NEBL: variants seen among roughly 807,000 people sequenced by gnomAD.
NEBL encodes the protein LIM and SH3 protein 2.
In NEBL, 122 loss-of-function variants were observed where a neutral mutation model predicts 140.2. The observed-to-expected ratio is 0.87, with a 90% CI of 0.75 to 1.01. NEBL has a LOEUF of 1.01. Ranked by LOEUF, NEBL falls within the 50% of genes least tolerant of loss-of-function variation. The pLI is 0.00. For missense variants in NEBL, 1,365 were observed against 1,231.3 expected, an observed-to-expected ratio of 1.11 and a Z score of -1.62; for synonymous variants, 436 against 398.9, an observed-to-expected ratio of 1.09 and a Z score of -1.11.
chr10:20,842,687 A>T lies in NEBL; in HGVS notation c.1228-1838T>A, dbSNP rs111931977. Among the ~76,000 whole-genome samples, 750 of 152,194 alleles carry T rather than the reference A, an allele frequency of 4.9e-3. 10 individuals carry two copies. The highest frequency in any genetic ancestry group is 0.017 in the African/African-American group (717 of 41,542). On this transcript the variant is annotated intron_variant, in intron 12 of 27. Transcript: ENST00000377122. Reference sequence around the variant, plus strand: ...AATACAATGTGGAATAATTAAATCAATCTAAATAATATATCCATTACCTCA... The same window carrying T: ...AATACAATGTGGAATAATTAAATCATTCTAAATAATATATCCATTACCTCA...
In NEBL at chr10:21,004,285, T is replaced by TA. The variant is rs897874752; in HGVS notation, c.249+15831dup. Among the ~76,000 whole-genome samples, 7 of 151,862 alleles carry TA rather than the reference T, an allele frequency of 4.6e-5. No individual in the cohort carries two copies. In the South Asian group the frequency reaches 1.0e-3, roughly 23 times the overall value. ...TCGTTATGAATAAATGCATCATTAA[T>TA]AAAAAAATAAAAATTCAAAGCCATT... On this transcript the variant is annotated intron_variant, in intron 3 of 6. Coordinates refer to the NEBL transcript ENST00000417816.
chr10:21,024,040 T>A (rs1272646257), intron 2 of NEBL, among the ~76,000 whole-genome samples: 1 of 151,382 alleles, frequency 6.6e-6, no homozygotes, highest in African/African-American at 2.4e-5. Context: ...AGCATCAAAG[T>A]TCTATTTGGA....
intron 3 of NEBL, among the ~76,000 whole-genome samples, chr10:21,208,231 T>C (rs993960746): frequency 1.3e-5 from 2 of 152,222 alleles, no homozygotes; most frequent in African/African-American, 2.4e-5. Context: ...CTTTGATGAC[T>C]CAGCTCATGG....
intron 3 of NEBL, among the ~76,000 whole-genome samples, chr10:21,198,771 T>A (rs998775233): frequency 6.6e-6 from 1 of 152,040 alleles, no homozygotes; most frequent in African/African-American, 2.4e-5. Context: ...GCTCTTCTTC[T>A]GCCCAGAGCC....
At chr10:20,847,038 G>C (rs922479439) in intron 11 of NEBL, among the ~76,000 whole-genome samples, 2 of 151,968 alleles carry the variant, frequency 1.3e-5, no homozygotes, top group Non-Finnish European at 2.9e-5. Flanking sequence ...GCTTTTCTTG[G>C]GATCATAAAT....
intron 4 of NEBL, among the ~76,000 whole-genome samples, chr10:20,934,615 T>C (rs1428492840): frequency 6.6e-6 from 1 of 152,092 alleles, no homozygotes; most frequent in African/African-American, 2.4e-5. Context: ...GAGAATGCCA[T>C]GGCCCCACTG....
At chr10:21,043,009 A>G (rs1200149540) in intron 2 of NEBL, among the ~76,000 whole-genome samples, 1 of 152,232 alleles carries the variant, frequency 6.6e-6, no homozygotes. Flanking sequence ...GAGAAGGTGG[A>G]AAAGTCTGCT....
intron 2 of NEBL, among the ~76,000 whole-genome samples, chr10:21,071,807 G>A (rs980357458): frequency 1.1e-4 from 3 of 27,408 alleles, no homozygotes; most frequent in African/African-American, 8.6e-4. Context: ...ATAGTGTTGG[G>A]CTTTTTGTTT....
chr10:21,235,916 C>G (rs1842341500), intron 3 of NEBL, among the ~76,000 whole-genome samples: 1 of 152,020 alleles, frequency 6.6e-6, no homozygotes, highest in Non-Finnish European at 1.5e-5. Flanking sequence ...GGTCATCAGT[C>G]AAATCTCTGA....
intron 2 of NEBL, among the ~76,000 whole-genome samples, chr10:21,041,641 C>CT (rs374186645): frequency 3.3e-5 from 5 of 151,788 alleles, no homozygotes; most frequent in African/African-American, 4.8e-5. Context: ...TCCCTCTACT[C>CT]TTTTTTTTAT....
At chr10:20,978,800 A>C (rs1176252418) in intron 3 of NEBL, among the ~76,000 whole-genome samples, 5 of 152,128 alleles carry the variant, frequency 3.3e-5, no homozygotes, top group Admixed American at 2.6e-4. Context: ...CCAGTAATCA[A>C]AACAATTGCT....
Position 20,813,987 on chromosome 10 carries a change from A to G in NEBL, c.2298T>C (p.Asp766=). 2 of 1,611,618 alleles carry G rather than the reference A, an allele frequency of 1.2e-6. No homozygotes were observed. Among genetic ancestry groups the G allele is most frequent in the Non-Finnish European group, 1.7e-6 (2 of 1,177,730 alleles). The change falls in exon 23 of 28, where the codon GAT becomes GAC. Residue 766 remains aspartate, a synonymous_variant. Transcript: ENST00000377122. ...CTTTAACATGTCTCATAGCAGGTGTATCTAAAATCAGACTTGGTCTACCTT... is the reference window on the plus strand; with the variant it reads ...CTTTAACATGTCTCATAGCAGGTGTGTCTAAAATCAGACTTGGTCTACCTT... ...QMKGRPSLIL[D]TPAMRHVKEA...
chr10:21,272,767 G>A (rs566627772), intron 1 of NEBL, among the ~76,000 whole-genome samples: 1 of 152,148 alleles, frequency 6.6e-6, no homozygotes, highest in Admixed American at 6.6e-5. Flanking sequence ...GAGTGAAAGA[G>A]GAGTGTCAAC....
At chr10:20,819,663 C>T (rs1839089978) in intron 19 of NEBL, 147 bp from the exon 20 acceptor site, 5 of 1,006,112 alleles carry the variant, frequency 5.0e-6, no homozygotes, top group Non-Finnish European at 7.5e-6. Context: ...ATATGTATTG[C>T]TTATAGATTT....
At chr10:21,104,596 A>G (rs1837625639) in intron 2 of NEBL, among the ~76,000 whole-genome samples, 2 of 152,042 alleles carry the variant, frequency 1.3e-5, no homozygotes, top group African/African-American at 4.8e-5. Context: ...TTCTCACTAA[A>G]CTCACGTATT....
upstream of NEBL, among the ~76,000 whole-genome samples, chr10:20,898,108 G>GA (rs1485984189): frequency 1.3e-5 from 2 of 151,912 alleles, no homozygotes; most frequent in Non-Finnish European, 2.9e-5. Context: ...GAAAAGTTTG[G>GA]AAAAATAAAC....
At chr10:20,961,011 T>A (rs1469443253) in intron 4 of NEBL, among the ~76,000 whole-genome samples, 2 of 152,174 alleles carry the variant, frequency 1.3e-5, no homozygotes, top group African/African-American at 4.8e-5. Flanking sequence ...GAAAAATACA[T>A]CCTGACACAC....
chr10:20,891,328 A>C (rs189720541), intron 2 of NEBL, among the ~76,000 whole-genome samples: 1 of 152,222 alleles, frequency 6.6e-6, no homozygotes, highest in African/African-American at 2.4e-5. Flanking sequence ...CCATAATTTT[A>C]GGTTCCTGCA....
At chr10:20,825,283 G>C (rs552943911) in intron 18 of NEBL, among the ~76,000 whole-genome samples, 1 of 152,210 alleles carries the variant, frequency 6.6e-6, no homozygotes, top group South Asian at 2.1e-4. Flanking sequence ...TAAAGGGAAG[G>C]TGCTCTTTCC....
Sources: allele counts gnomAD v4.1 joint callset (sites outside exome capture counted in the v4.1 genomes callset), GRCh38; gene constraint gnomAD v4.1.1; transcripts MANE v1.5; gene names NCBI Gene and HGNC (gene_info 2026-07-23, HGNC 2026-07-21).